Variants in AFDN observed in about 807,000 individuals in gnomAD.
AFDN encodes afadin.
In AFDN, 68 loss-of-function variants were observed where a neutral mutation model predicts 216.6. The ratio of observed to expected loss-of-function variants is 0.31; its 90% CI spans 0.26 to 0.38. The LOEUF is 0.38. Among genes scored for constraint, AFDN ranks in the 10% least tolerant of loss-of-function variants. The pLI is 1.00. For missense variants in AFDN, 2,136 were observed against 2,342.0 expected (o/e 0.91, Z 1.82); for synonymous variants, 868 against 853.7 (o/e 1.02, Z -0.29).
At chr6:167,833,941 A>C (rs978636912) in intron 1 of AFDN, among the ~76,000 whole-genome samples, 5 of 151,944 alleles carry the variant, frequency 3.3e-5, no homozygotes, top group Admixed American at 6.6e-5. Context: ...AGTGCTGCAG[A>C]CTCCTAGATG....
chr6:167,890,522 A>G (rs998251060), intron 7 of AFDN, among the ~76,000 whole-genome samples: 2 of 151,488 alleles, frequency 1.3e-5, no homozygotes, highest in East Asian at 3.9e-4. Flanking sequence ...TGGTTTTTAT[A>G]TGTATGAATG....
At chr6:167,841,183 C>T (rs145747704) in intron 1 of AFDN, among the ~76,000 whole-genome samples, 1 of 152,100 alleles carries the variant, frequency 6.6e-6, no homozygotes, top group Admixed American at 6.5e-5. Context: ...TAACCAGAAT[C>T]AAAAATGTCA....
At chr6:167,919,059 C>A in intron 21 of AFDN, 126 bp downstream of exon 21, 1 of 761,468 alleles carries the variant, frequency 1.3e-6, no homozygotes, top group Non-Finnish European at 2.2e-6. Flanking sequence ...TGGAGAAGTC[C>A]GTGTTCCACT....
At chr6:167,887,445 T>TG (rs2128323041) in intron 6 of AFDN, among the ~76,000 whole-genome samples, 1 of 141,458 alleles carries the variant, frequency 7.1e-6, no homozygotes, top group African/African-American at 2.6e-5. Context: ...CAGCTTGCCT[T>TG]TTTTTTTTTT....
At chr6:167,830,319 C>T (rs1203336709) in intron 1 of AFDN, among the ~76,000 whole-genome samples, 1 of 152,160 alleles carries the variant, frequency 6.6e-6, no homozygotes, top group Non-Finnish European at 1.5e-5. Flanking sequence ...GTCTGTCTCC[C>T]TCTTATTACA....
chr6:167,957,435 G>T (rs1796629432), intron 30 of AFDN, among the ~76,000 whole-genome samples: 1 of 152,172 alleles, frequency 6.6e-6, no homozygotes, highest in Non-Finnish European at 1.5e-5. Context: ...CCAAGCTCTC[G>T]AAGGTGTGTG....
At chr6:167,934,393 A>G (rs1793721665) in intron 23 of AFDN, among the ~76,000 whole-genome samples, 1 of 152,226 alleles carries the variant, frequency 6.6e-6, no homozygotes, top group African/African-American at 2.4e-5. Flanking sequence ...GAATTTTAGA[A>G]CTGATTATTT....
At chr6:167,870,541 A>G in intron 3 of AFDN, 43 bp downstream of exon 3, 1 of 1,209,452 alleles carries the variant, frequency 8.3e-7, no homozygotes, top group African/African-American at 1.5e-5. Flanking sequence ...GTCCAGGGCC[A>G]GGTCTGACTG....
At chr6:167,969,687 T>G in intron 33 of AFDN, 95 bp from the exon 34 acceptor site, 2 of 1,185,576 alleles carry the variant, frequency 1.7e-6, no homozygotes, top group Non-Finnish European at 2.4e-6. Context: ...AAAGAATGAG[T>G]GAAAATTTTA....
At chr6:167,909,370 G>A (rs1335397725) in intron 13 of AFDN, among the ~76,000 whole-genome samples, 2 of 151,158 alleles carry the variant, frequency 1.3e-5, no homozygotes, top group Admixed American at 6.6e-5. Context: ...TTGGTGCATG[G>A]AGAAGGTGAG....
intron 31 of AFDN, chr6:167,963,381 G>A (rs1797229642): frequency 9.5e-7 from 1 of 1,057,304 alleles, no homozygotes; most frequent in African/African-American, 1.6e-5. Flanking sequence ...TTCTATGAAG[G>A]TAGAAGCTTT....
intron 30 of AFDN, chr6:167,954,407 T>C: frequency 6.5e-7 from 1 of 1,534,206 alleles, no homozygotes. Context: ...ACCTAACTTT[T>C]TTTTCCACAC....
intron 15 of AFDN, among the ~76,000 whole-genome samples, chr6:167,912,884 T>C (rs1275832744): frequency 3.3e-5 from 5 of 152,194 alleles, no homozygotes; most frequent in African/African-American, 4.8e-5. Context: ...AACAAAGAAT[T>C]TGCTCCCTTT....
chr6:167,827,100 G>T lies in AFDN; in HGVS notation c.-33G>T, dbSNP rs1381083472. 1.7e-6 allele frequency: 2 copies of T among 1,183,232 alleles called. No homozygotes were observed. Among genetic ancestry groups the T allele is most frequent in the East Asian group, 7.6e-5 (1 of 13,142 alleles). 73.3% of individuals were successfully genotyped at this position (1,183,232 alleles called of 1,614,324 possible). On this transcript the variant is annotated 5_prime_UTR_variant, in exon 1 of 34. Transcript: ENST00000683244. The stretch of plus-strand genomic sequence containing the variant: ...GTCCTCGGCCCGTCCTCCGGCCCCG[G>T]CCCCGCGCGGCTGAGGAGGCGCGGC...
intron 5 of AFDN, among the ~76,000 whole-genome samples, chr6:167,880,064 A>G (rs1165894762): frequency 2.6e-5 from 4 of 152,196 alleles, no homozygotes; most frequent in Non-Finnish European, 4.4e-5. Flanking sequence ...TTTCCTCACT[A>G]TAGATACGGA....
chr6:167,955,739 A>G (rs1796437111), intron 30 of AFDN, among the ~76,000 whole-genome samples: 2 of 152,206 alleles, frequency 1.3e-5, no homozygotes, highest in African/African-American at 4.8e-5. Flanking sequence ...TATTTTGAGT[A>G]TTAATATTGA....
At chr6:167,902,142 A>G (rs1272544224) in intron 11 of AFDN, among the ~76,000 whole-genome samples, 175 bp from the exon 12 acceptor site, 2 of 152,030 alleles carry the variant, frequency 1.3e-5, no homozygotes, top group African/African-American at 4.8e-5. Flanking sequence ...ATATACCAGT[A>G]AAGAAAGTTC....
At chr6:167,930,561 C>T (rs1254414776) in intron 23 of AFDN, among the ~76,000 whole-genome samples, 2 of 152,180 alleles carry the variant, frequency 1.3e-5, no homozygotes, top group South Asian at 4.1e-4. Flanking sequence ...CCAGTTTGGG[C>T]TGTCAGGGGA....
intron 5 of AFDN, among the ~76,000 whole-genome samples, chr6:167,878,186 A>C (rs1785628900): frequency 6.6e-6 from 1 of 152,122 alleles, no homozygotes; most frequent in Non-Finnish European, 1.5e-5. Flanking sequence ...TGAAGTGCAG[A>C]AGAACATGGA....
Sources: allele counts gnomAD v4.1 joint callset (sites outside exome capture counted in the v4.1 genomes callset), GRCh38; gene constraint gnomAD v4.1.1; transcripts MANE v1.5; gene names NCBI Gene and HGNC (gene_info 2026-07-23, HGNC 2026-07-21).